CD2AP: variants seen among roughly 807,000 people sequenced by gnomAD.
CD2AP encodes the protein CD2-associated protein.
CD2AP carries 46 observed loss-of-function variants against 85.1 expected under a neutral mutation model. That is an observed-to-expected ratio of 0.54 (90% CI 0.43 to 0.69). CD2AP has a LOEUF of 0.69. Ranked by LOEUF, CD2AP falls within the 30% of genes least tolerant of loss-of-function variation. The probability of loss-of-function intolerance (pLI) is 0.00; values close to 1 mark genes in which losing one functional copy is unlikely to be tolerated. For missense variants in CD2AP, 769 were observed against 729.5 expected (o/e 1.05, Z -0.62); for synonymous variants, 255 against 252.9 (o/e 1.01, Z -0.08).
At chr6:47,535,385 A>G (rs1294864200) in intron 3 of CD2AP, among the ~76,000 whole-genome samples, 1 of 152,200 alleles carries the variant, frequency 6.6e-6, no homozygotes, top group African/African-American at 2.4e-5. Context: ...CATTTCCCAA[A>G]TTGTAATTGT....
chr6:47,609,916 T>C lies in CD2AP; in HGVS notation c.1814+612T>C, dbSNP rs146636017. On this transcript the variant is annotated intron_variant, in intron 16 of 17. Coordinates refer to ENST00000359314, the MANE Select transcript of CD2AP (RefSeq NM_012120.3). ...GAAAAATATCGTATTTTGGATCTGG[T>C]TGTGTATCTATACATATAGTTAACT... 4.7e-4 allele frequency among the ~76,000 whole-genome samples: 72 copies of C among 152,326 alleles called. 3 individuals carry two copies. In the East Asian group the frequency reaches 0.014, roughly 29 times the overall value.
intron 16 of CD2AP, 35 bp downstream of exon 16, chr6:47,609,339 T>C (rs1295820089): frequency 6.7e-7 from 1 of 1,495,296 alleles, no homozygotes; most frequent in Admixed American, 1.7e-5. Context: ...TGAGTACTAC[T>C]TAACCCATGC....
chr6:47,585,685 C>T (rs1768608901), intron 11 of CD2AP, among the ~76,000 whole-genome samples: 2 of 152,078 alleles, frequency 1.3e-5, no homozygotes, highest in South Asian at 4.1e-4. Context: ...GATCTGTAGA[C>T]AGCTTACTGT....
intron 2 of CD2AP, among the ~76,000 whole-genome samples, chr6:47,513,864 C>T (rs1433645681): frequency 6.8e-6 from 1 of 146,454 alleles, no homozygotes; most frequent in Non-Finnish European, 1.5e-5. Flanking sequence ...ACGTCTGATA[C>T]CATCAGACTT....
At chr6:47,580,241 A>G (rs1307701315) in intron 9 of CD2AP, among the ~76,000 whole-genome samples, 1 of 152,204 alleles carries the variant, frequency 6.6e-6, no homozygotes, top group African/African-American at 2.4e-5. Context: ...ATGTTTGTAC[A>G]TTACGGCTTA....
At chr6:47,531,802 G>A (rs575857118) in intron 2 of CD2AP, among the ~76,000 whole-genome samples, 10 of 152,088 alleles carry the variant, frequency 6.6e-5, no homozygotes, top group Non-Finnish European at 1.0e-4. Flanking sequence ...GCCGGGCGTG[G>A]TGGCTCACGC....
intron 11 of CD2AP, among the ~76,000 whole-genome samples, chr6:47,584,781 G>C (rs1376100930): frequency 2.6e-5 from 4 of 151,978 alleles, no homozygotes; most frequent in Non-Finnish European, 5.9e-5. Context: ...AGTTAGGTAG[G>C]AGTCTTAGAT....
At chr6:47,516,352 G>A (rs945126671) in intron 2 of CD2AP, among the ~76,000 whole-genome samples, 3 of 152,184 alleles carry the variant, frequency 2.0e-5, no homozygotes, top group Non-Finnish European at 4.4e-5. Context: ...TCACGTTCCA[G>A]TTTTAAATGC....
At chr6:47,532,858 A>T (rs1348609776) in intron 2 of CD2AP, among the ~76,000 whole-genome samples, 1 of 152,218 alleles carries the variant, frequency 6.6e-6, no homozygotes. Context: ...TATGATACTG[A>T]GTTTTCAGTT....
chr6:47,499,368 ATC>A, intron 1 of CD2AP, among the ~76,000 whole-genome samples: 1 of 152,186 alleles, frequency 6.6e-6, no homozygotes, highest in East Asian at 1.9e-4. Flanking sequence ...GTATACATAT[ATC>A]TGTTTATTTC....
intron 1 of CD2AP, among the ~76,000 whole-genome samples, chr6:47,482,083 A>T (rs1029646594): frequency 4.6e-5 from 7 of 152,222 alleles, no homozygotes; most frequent in Non-Finnish European, 1.0e-4. Flanking sequence ...ATTCATACAG[A>T]TAAGTAGTTG....
At chr6:47,618,744 A>T (rs1166154899) in intron 17 of CD2AP, among the ~76,000 whole-genome samples, 2 of 152,216 alleles carry the variant, frequency 1.3e-5, no homozygotes, top group Admixed American at 1.3e-4. Flanking sequence ...CATAAAAATT[A>T]TGACAAGAGT....
intron 2 of CD2AP, among the ~76,000 whole-genome samples, chr6:47,513,438 G>A (rs1235823164): frequency 6.6e-6 from 1 of 151,860 alleles, no homozygotes; most frequent in African/African-American, 2.4e-5. Context: ...AACTGCATAG[G>A]TTTTTGCATA....
At chr6:47,511,940 C>T (rs571774175) in intron 2 of CD2AP, among the ~76,000 whole-genome samples, 7 of 152,108 alleles carry the variant, frequency 4.6e-5, no homozygotes, top group East Asian at 1.9e-4. Context: ...GGGCGGATCA[C>T]GAGGTCAGGA....
chr6:47,582,368 TA>T (rs1177442403), intron 11 of CD2AP: 1 of 217,266 alleles, frequency 4.6e-6, no homozygotes, highest in Non-Finnish European at 9.4e-6. Context: ...TTTCAGTTTT[TA>T]AAAAATTCCT....
At chr6:47,591,404 T>C (rs34208440) in intron 11 of CD2AP, among the ~76,000 whole-genome samples, 18,257 of 152,184 alleles carry the variant, frequency 0.12, 1,489 homozygotes, top group Non-Finnish European at 0.18. Context: ...AGTTTAAACT[T>C]CAGTGAGATA....
At chr6:47,498,944 T>C (rs1765934371) in intron 1 of CD2AP, among the ~76,000 whole-genome samples, 1 of 152,228 alleles carries the variant, frequency 6.6e-6, no homozygotes, top group Non-Finnish European at 1.5e-5. Flanking sequence ...AACATTGATT[T>C]GTAATCTGTA....
intron 2 of CD2AP, among the ~76,000 whole-genome samples, chr6:47,508,872 A>C (rs558355076): frequency 6.6e-6 from 1 of 152,112 alleles, no homozygotes; most frequent in African/African-American, 2.4e-5. Context: ...AGACTGTTTT[A>C]CTTTCTTATC....
At chr6:47,491,898 C>A (rs188904531) in intron 1 of CD2AP, among the ~76,000 whole-genome samples, 101 of 152,120 alleles carry the variant, frequency 6.6e-4, no homozygotes, top group African/African-American at 2.3e-3. Context: ...CCAAGTTAAG[C>A]AAAACTTTTT....
Sources: gnomAD v4.1 joint callset for allele counts (sites outside exome capture counted in the v4.1 genomes callset) on GRCh38, gnomAD v4.1.1 for gene constraint, MANE v1.5 for transcripts, NCBI Gene and HGNC (gene_info 2026-07-23, HGNC 2026-07-21) for gene names.